CORO2B: variants seen among roughly 807,000 people sequenced by gnomAD.
CORO2B encodes the protein coronin-2B.
CORO2B carries 26 observed loss-of-function variants against 58.8 expected under a neutral mutation model. That is an observed-to-expected ratio of 0.44 (90% CI 0.32 to 0.61). The LOEUF is 0.61. Among genes scored for constraint, CORO2B ranks in the 20% least tolerant of loss-of-function variants. The pLI, the probability that CORO2B is intolerant of heterozygous loss-of-function variation, is 0.04. For missense variants in CORO2B, 460 were observed against 645.1 expected, an observed-to-expected ratio of 0.71 and a Z score of 3.11; for synonymous variants, 242 against 253.8, an observed-to-expected ratio of 0.95 and a Z score of 0.44.
the CORO2B span, among the ~76,000 whole-genome samples, chr15:68,550,456 G>A: frequency 1.3e-5 from 2 of 152,174 alleles, no homozygotes; most frequent in South Asian, 4.1e-4. Flanking sequence ...GACCAATTTA[G>A]GCAAGTTGTT....
intron 2 of CORO2B, among the ~76,000 whole-genome samples, chr15:68,686,974 A>G (rs1471520302): frequency 6.6e-6 from 1 of 152,178 alleles, no homozygotes; most frequent in Non-Finnish European, 1.5e-5. Context: ...TCACTCATCA[A>G]ATAGTCTTTG....
intron 11 of CORO2B, among the ~76,000 whole-genome samples, chr15:68,725,330 C>T (rs1596043575): frequency 6.6e-6 from 1 of 152,090 alleles, no homozygotes; most frequent in Non-Finnish European, 1.5e-5. Context: ...AATCATGCCA[C>T]CGCACTACAG....
intron 1 of CORO2B, 71 bp downstream of exon 1, chr15:68,579,348 C>A: frequency 1.6e-6 from 2 of 1,225,244 alleles, no homozygotes. Flanking sequence ...CTGCGGGGGG[C>A]GCGGGGGTGT....
the CORO2B span, among the ~76,000 whole-genome samples, chr15:68,571,167 T>A: frequency 1.3e-5 from 2 of 152,308 alleles, no homozygotes; most frequent in Non-Finnish European, 2.9e-5. Flanking sequence ...TCTTTGTTAG[T>A]TTCTGAGGAA....
chr15:68,711,667 G>A lies in CORO2B; in HGVS notation c.609G>A (p.Lys203=), dbSNP rs1379060296. 2 of 1,614,004 alleles carry A rather than the reference G, an allele frequency of 1.2e-6. No homozygotes were observed. The highest frequency in any genetic ancestry group is 2.7e-5 in the African/African-American group (2 of 74,932). ...TCACCACCACGTGCAAGGACAAGAAGCTGCGTGTGATTGAGCCCCGCTCTG... is the reference window on the plus strand; with the variant it reads ...TCACCACCACGTGCAAGGACAAGAAACTGCGTGTGATTGAGCCCCGCTCTG... ...SLLTTTCKDK[K]LRVIEPRSGR... The change falls in exon 5 of 12, where the codon AAG becomes AAA. Residue 203 remains lysine (K), a synonymous_variant. Transcript: ENST00000261861.
chr15:68,602,701 T>C (rs1276638331), intron 1 of CORO2B, among the ~76,000 whole-genome samples: 3 of 152,098 alleles, frequency 2.0e-5, no homozygotes, highest in Admixed American at 6.5e-5. Context: ...GGATGATAGA[T>C]GTGAGGTGTG....
the CORO2B span, among the ~76,000 whole-genome samples, chr15:68,550,774 A>T: frequency 1.3e-5 from 2 of 152,328 alleles, no homozygotes; most frequent in African/African-American, 4.8e-5. Flanking sequence ...GCCAGAACAC[A>T]TCTGAGATGC....
intron 1 of CORO2B, among the ~76,000 whole-genome samples, chr15:68,633,719 T>G (rs1368246277): frequency 1.3e-5 from 2 of 152,350 alleles, no homozygotes; most frequent in East Asian, 1.9e-4. Context: ...TTTCTCACAT[T>G]TGGGGCACTG....
intron 1 of CORO2B, among the ~76,000 whole-genome samples, chr15:68,636,219 G>GC (rs968648233): frequency 1.3e-5 from 2 of 152,228 alleles, no homozygotes; most frequent in African/African-American, 4.8e-5. Context: ...GGGGAGCACA[G>GC]CATGGAATCT....
At chr15:68,692,148 T>G (rs766560423) in intron 2 of CORO2B, among the ~76,000 whole-genome samples, 9 of 152,230 alleles carry the variant, frequency 5.9e-5, no homozygotes, top group Non-Finnish European at 1.5e-5. Context: ...GGCTTTGCTT[T>G]CAGCTGCTTG....
chr15:68,526,266 T>C, the CORO2B span, among the ~76,000 whole-genome samples: 4 of 152,202 alleles, frequency 2.6e-5, no homozygotes. Context: ...CGTTTTCATT[T>C]CTCTTGAGTA....
chr15:68,620,151 A>G (rs1224469665), intron 1 of CORO2B, among the ~76,000 whole-genome samples: 1 of 152,114 alleles, frequency 6.6e-6, no homozygotes, highest in Non-Finnish European at 1.5e-5. Flanking sequence ...ACCTCAGATG[A>G]TCCACCCGCC....
upstream of CORO2B, among the ~76,000 whole-genome samples, chr15:68,578,520 C>A (rs1402226366): frequency 6.6e-6 from 1 of 152,160 alleles, no homozygotes; most frequent in Non-Finnish European, 1.5e-5. This position sits in a 1 kb window ranked among gnomAD's most constrained non-coding sequence, Gnocchi z 4.2. Context: ...GGTGGGGGTG[C>A]GGGCAGGGCT....
At chr15:68,610,425 T>G (rs1410672862) in intron 1 of CORO2B, among the ~76,000 whole-genome samples, 1 of 152,126 alleles carries the variant, frequency 6.6e-6, no homozygotes, top group African/African-American at 2.4e-5. Flanking sequence ...GACCCCTTGC[T>G]GCCTGGCCCC....
intron 1 of CORO2B, among the ~76,000 whole-genome samples, chr15:68,580,504 G>T (rs1313780059): frequency 6.6e-6 from 1 of 152,162 alleles, no homozygotes; most frequent in African/African-American, 2.4e-5. Context: ...AAGACTGAAT[G>T]TTTGTGCGGA....
the CORO2B span, among the ~76,000 whole-genome samples, chr15:68,543,759 C>T: frequency 0.011 from 1,712 of 152,208 alleles, 29 homozygotes; most frequent in African/African-American, 0.038. Flanking sequence ...CAGCTGCAGA[C>T]GTCTCCCATC....
the CORO2B span, among the ~76,000 whole-genome samples, chr15:68,552,755 G>T: frequency 6.6e-6 from 1 of 152,132 alleles, no homozygotes; most frequent in Admixed American, 6.5e-5. Flanking sequence ...CAAAGCATCA[G>T]CCCCTCTGAT....
chr15:68,694,045 A>G (rs1269734358), intron 2 of CORO2B, among the ~76,000 whole-genome samples: 2 of 152,288 alleles, frequency 1.3e-5, no homozygotes, highest in East Asian at 1.9e-4. Flanking sequence ...CACGTTGGCC[A>G]GGCTGGTCTC....
rs940028418 is a variant in CORO2B, at chr15:68,726,177, C to T, written c.*203C>T. On this transcript the variant is annotated 3_prime_UTR_variant, in exon 12 of 12. Coordinates refer to ENST00000261861, the MANE Select transcript of CORO2B (RefSeq NM_006091.5). ...AATAAAAGTCCCCAGCTTCTGGAGACCCCCTGCCGGCAGCCCCTTTCCCTG... is the reference window on the plus strand; with the variant it reads ...AATAAAAGTCCCCAGCTTCTGGAGATCCCCTGCCGGCAGCCCCTTTCCCTG... 3.3e-6 allele frequency: 2 copies of T among 615,272 alleles called. No homozygotes were observed. The highest frequency in any genetic ancestry group is 4.0e-4 in the Middle Eastern group (1 of 2,476). 38.1% of individuals were successfully genotyped at this position (615,272 alleles called of 1,614,324 possible). A position where few individuals can be genotyped will look rare whatever the true frequency, so the allele number is the denominator to read the frequency against.
Sources: gnomAD v4.1 joint callset for allele counts (sites outside exome capture counted in the v4.1 genomes callset) on GRCh38, gnomAD v4.1.1 for gene constraint, Gnocchi (gnomAD v3.1) non-coding constraint, MANE v1.5 for transcripts, NCBI Gene and HGNC (gene_info 2026-07-23, HGNC 2026-07-21) for gene names.